Variants in CNTN5 observed in about 807,000 individuals in gnomAD.
The protein encoded by CNTN5 is contactin-5.
CNTN5 carries 77 observed loss-of-function variants against 129.1 expected under a neutral mutation model. The ratio of observed to expected loss-of-function variants is 0.60; its 90% CI spans 0.50 to 0.72. CNTN5 has a LOEUF of 0.72. Among genes scored for constraint, CNTN5 ranks in the 30% least tolerant of loss-of-function variants. The pLI, the probability that CNTN5 is intolerant of heterozygous loss-of-function variation, is 0.00. For missense variants in CNTN5, 1,478 were observed against 1,328.8 expected, an observed-to-expected ratio of 1.11 and a Z score of -1.75; for synonymous variants, 509 against 465.6, an observed-to-expected ratio of 1.09 and a Z score of -1.20.
At chr11:99,814,744 A>C (rs1304705042) in intron 3 of CNTN5, among the ~76,000 whole-genome samples, 1 of 152,116 alleles carries the variant, frequency 6.6e-6, no homozygotes, top group Non-Finnish European at 1.5e-5. Context: ...TAGGTCTTGA[A>C]GTAGTTGAGA....
intron 4 of CNTN5, among the ~76,000 whole-genome samples, chr11:99,821,497 A>T (rs1946799918): frequency 1.3e-5 from 2 of 152,150 alleles, no homozygotes; most frequent in African/African-American, 4.8e-5. Context: ...GTAAAAGCAC[A>T]ACTCTCTGAC....
chr11:99,076,233 G>T (rs1263901224), intron 1 of CNTN5, among the ~76,000 whole-genome samples: 1 of 152,078 alleles, frequency 6.6e-6, no homozygotes, highest in Non-Finnish European at 1.5e-5. Flanking sequence ...TATTCAGGAG[G>T]CTGAGGCAGG....
rs140257107 is a variant in CNTN5, at chr11:99,677,194, T to C, written c.55+120925T>C. ...TTTGCTTATTGAATTCCAAAATGAA[T>C]TATGTTTTATTGGCCGTCGCTCAGA... On this transcript the variant is annotated intron_variant, in intron 3 of 24. Coordinates refer to ENST00000524871, the MANE Select transcript of CNTN5 (RefSeq NM_014361.4). Among the ~76,000 whole-genome samples the C allele has an allele frequency of 4.3e-4, 66 of 152,278 alleles. 1 individual carries two copies. The East Asian group carries it at 0.011, about 24-fold the overall frequency.
At chr11:100,043,276 A>G (rs897696543) in intron 9 of CNTN5, among the ~76,000 whole-genome samples, 1 of 152,210 alleles carries the variant, frequency 6.6e-6, no homozygotes, top group Non-Finnish European at 1.5e-5. Flanking sequence ...GCATATTCAT[A>G]ATGTCAGTAA....
intron 1 of CNTN5, among the ~76,000 whole-genome samples, chr11:99,185,708 CTTAG>C (rs1858310684): frequency 6.6e-6 from 1 of 151,428 alleles, no homozygotes; most frequent in East Asian, 1.9e-4. Flanking sequence ...AAATTTTGTA[CTTAG>C]TTGGAGCTGA....
intron 2 of CNTN5, among the ~76,000 whole-genome samples, chr11:99,422,736 G>A (rs1942957472): frequency 6.6e-6 from 1 of 151,722 alleles, no homozygotes; most frequent in Non-Finnish European, 1.5e-5. Context: ...GAGACATCCT[G>A]GGGATGAGTT....
chr11:99,073,539 C>T (rs1364049422), intron 1 of CNTN5, among the ~76,000 whole-genome samples: 1 of 151,766 alleles, frequency 6.6e-6, no homozygotes, highest in Non-Finnish European at 1.5e-5. Context: ...CTAATGCTTT[C>T]CCTCCCCTTG....
At chr11:99,536,646 A>T (rs1947909991) in intron 2 of CNTN5, among the ~76,000 whole-genome samples, 1 of 152,064 alleles carries the variant, frequency 6.6e-6, no homozygotes, top group African/African-American at 2.4e-5. Flanking sequence ...TGATGATAAC[A>T]CTAATAGCTA....
chr11:99,375,606 A>C (rs1042388107), intron 2 of CNTN5, among the ~76,000 whole-genome samples: 1 of 152,168 alleles, frequency 6.6e-6, no homozygotes, highest in Non-Finnish European at 1.5e-5. Context: ...AGTGATTTAC[A>C]AAATTACAAA....
chr11:99,806,059 G>C (rs964094288), intron 3 of CNTN5, among the ~76,000 whole-genome samples: 7 of 152,138 alleles, frequency 4.6e-5, no homozygotes, highest in Non-Finnish European at 1.0e-4. Context: ...AAACCACATA[G>C]AGCCACATTA....
intron 13 of CNTN5, among the ~76,000 whole-genome samples, chr11:100,101,333 G>A (rs1945215901): frequency 6.6e-6 from 1 of 152,066 alleles, no homozygotes; most frequent in Non-Finnish European, 1.5e-5. Flanking sequence ...AGTGAGAATG[G>A]GGAGGAAGGT....
At position 100,203,628 on chromosome 11, in the gene CNTN5, G is replaced by A. The variant is rs578218118; in HGVS notation, c.1884+9965G>A. Among the ~76,000 whole-genome samples the A allele has an allele frequency of 5.3e-5, 8 of 151,868 alleles. No individual in the cohort carries two copies. In the East Asian group the frequency reaches 9.7e-4, roughly 19 times the overall value. On this transcript the variant is annotated intron_variant, in intron 15 of 24. Transcript: ENST00000524871. ...ATATTACTAATTCCATTTTGAATCT[G>A]TTGATTCCTTTTCTCCATTCCTGGA...
At chr11:99,532,153 C>G (rs12294484) in intron 2 of CNTN5, among the ~76,000 whole-genome samples, 22,714 of 152,044 alleles carry the variant, frequency 0.15, 2,102 homozygotes, top group African/African-American at 0.26. Context: ...TTCCCAAGAC[C>G]ATGGCAATAC....
At chr11:100,316,350 T>C (rs1951572443) in intron 21 of CNTN5, among the ~76,000 whole-genome samples, 1 of 152,194 alleles carries the variant, frequency 6.6e-6, no homozygotes, top group South Asian at 2.1e-4. Context: ...TACATATAAA[T>C]AAGATCTAGT....
intron 1 of CNTN5, among the ~76,000 whole-genome samples, chr11:99,127,100 G>A (rs575199817): frequency 1.3e-4 from 20 of 152,034 alleles, no homozygotes; most frequent in Non-Finnish European, 2.5e-4. Context: ...TTCATGGTCT[G>A]TTTCATATTT....
intron 1 of CNTN5, among the ~76,000 whole-genome samples, chr11:99,116,348 C>A (rs1229053071): frequency 6.6e-6 from 1 of 152,158 alleles, no homozygotes; most frequent in Non-Finnish European, 1.5e-5. Flanking sequence ...GAGAAAATAT[C>A]TGATGTTCTC....
At chr11:100,201,237 G>A (rs1948770950) in intron 15 of CNTN5, among the ~76,000 whole-genome samples, 2 of 151,756 alleles carry the variant, frequency 1.3e-5, no homozygotes, top group South Asian at 2.1e-4. Flanking sequence ...AACTTCTCAT[G>A]CAAATTTCTA....
chr11:99,293,874 T>C (rs1280482750), intron 1 of CNTN5, among the ~76,000 whole-genome samples: 4 of 152,080 alleles, frequency 2.6e-5, no homozygotes. Context: ...TTTTTATTCA[T>C]TGATCTTTTG....
At position 99,134,859 on chromosome 11, in the gene CNTN5, G is replaced by A. The variant is rs77838376; in HGVS notation, c.-210+113589G>A. On this transcript the variant is annotated intron_variant, in intron 1 of 24. Transcript: ENST00000524871. ...TGTGAATGATTATGCAATGTACTAGGTAACAAATAAAATATTCAACTGTAA... is the reference window on the plus strand; with the variant it reads ...TGTGAATGATTATGCAATGTACTAGATAACAAATAAAATATTCAACTGTAA... Among the ~76,000 whole-genome samples, 840 of 152,242 alleles carry A rather than the reference G, an allele frequency of 5.5e-3. 9 individuals are homozygous for A. Among genetic ancestry groups the A allele is most frequent in the African/African-American group, 0.02 (813 of 41,550 alleles).
Sources: allele counts gnomAD v4.1 joint callset (sites outside exome capture counted in the v4.1 genomes callset), GRCh38; gene constraint gnomAD v4.1.1; transcripts MANE v1.5; gene names NCBI Gene and HGNC (gene_info 2026-07-23, HGNC 2026-07-21).